The following FNIP2 variants were observed in gnomAD, a reference collection of about 807,000 sequenced individuals.
The protein encoded by FNIP2 is folliculin interacting protein 2.
FNIP2 carries 32 observed loss-of-function variants against 108.7 expected under a neutral mutation model. The observed-to-expected ratio is 0.29, with a 90% CI of 0.22 to 0.40. The LOEUF (loss-of-function observed/expected upper bound fraction) is 0.40, where lower values mean the gene tolerates loss of function less well. FNIP2 is among the 10% of genes least tolerant of loss of function. The pLI is 1.00. For missense variants in FNIP2, 1,202 were observed against 1,381.6 expected (o/e 0.87, Z 2.06); for synonymous variants, 480 against 496.7 (o/e 0.97, Z 0.45).
At chr4:158,881,608 G>A (rs1279370643) in intron 14 of FNIP2, among the ~76,000 whole-genome samples, 5 of 152,178 alleles carry the variant, frequency 3.3e-5, no homozygotes, top group East Asian at 3.9e-4. Flanking sequence ...GTGCCGCCAC[G>A]CCTGACTGGT....
intron 7 of FNIP2, among the ~76,000 whole-genome samples, chr4:158,847,039 C>T (rs1463699859): frequency 6.6e-6 from 1 of 152,168 alleles, no homozygotes; most frequent in Non-Finnish European, 1.5e-5. Flanking sequence ...CTGGTGCCCA[C>T]GGAGCACTTA....
At chr4:158,831,719 T>G (rs1778494074) in intron 3 of FNIP2, 142 bp from the exon 4 acceptor site, 1 of 633,358 alleles carries the variant, frequency 1.6e-6, no homozygotes, top group Admixed American at 2.9e-5. Flanking sequence ...CATTATAAGT[T>G]AAGATTGTAA....
rs1157484856 is a variant in FNIP2 at position 158,842,104 on chromosome 4, C to T, written c.727+6628C>T. ...CAGTTTCTTATTTCTTTATATTTCT[C>T]CTATTTCAGATGTTTGGTATTTTCC... On this transcript the variant is annotated intron_variant, in intron 7 of 16. Coordinates refer to ENST00000264433, the MANE Select transcript of FNIP2 (RefSeq NM_020840.3). 2.0e-5 allele frequency among the ~76,000 whole-genome samples: 3 copies of T among 152,174 alleles called. No individual in the cohort carries two copies. The East Asian group carries it at 5.8e-4, about 29-fold the overall frequency.
At chr4:158,873,902 G>A (rs750920138) in intron 14 of FNIP2, among the ~76,000 whole-genome samples, 2 of 152,190 alleles carry the variant, frequency 1.3e-5, no homozygotes, top group Non-Finnish European at 2.9e-5. Context: ...GAGAGCAGGC[G>A]TATGCGCCAG....
At chr4:158,783,050 T>C (rs1195186614) in intron 1 of FNIP2, among the ~76,000 whole-genome samples, 1 of 152,244 alleles carries the variant, frequency 6.6e-6, no homozygotes, top group Admixed American at 6.5e-5. Context: ...TTTAGTTTAC[T>C]CCAGCAGAGT....
intron 14 of FNIP2, among the ~76,000 whole-genome samples, chr4:158,875,172 A>G (rs1781197719): frequency 6.6e-6 from 1 of 152,056 alleles, no homozygotes; most frequent in African/African-American, 2.4e-5. Context: ...TGGCCTTGTC[A>G]ATCCCAGGGG....
intron 14 of FNIP2, chr4:158,872,395 T>C: frequency 1.0e-6 from 1 of 985,472 alleles, no homozygotes; most frequent in Non-Finnish European, 1.2e-6. Context: ...TCATTACTCT[T>C]CAAGCTTTTT....
intron 1 of FNIP2, among the ~76,000 whole-genome samples, chr4:158,781,760 G>A (rs189751608): frequency 1.3e-5 from 2 of 152,100 alleles, no homozygotes; most frequent in South Asian, 2.1e-4. Flanking sequence ...CAAGTGATCC[G>A]CCTGTCTTGG....
chr4:158,829,710 G>T (rs1392383405), intron 3 of FNIP2, among the ~76,000 whole-genome samples: 1 of 147,450 alleles, frequency 6.8e-6, no homozygotes, highest in African/African-American at 2.6e-5. Flanking sequence ...TGTGTGTGTG[G>T]GGTGTGTGTG....
At chr4:158,774,987 A>G (rs1388736720) in intron 1 of FNIP2, among the ~76,000 whole-genome samples, 2 of 152,200 alleles carry the variant, frequency 1.3e-5, no homozygotes, top group Admixed American at 6.5e-5. Flanking sequence ...TGGAGTATAT[A>G]GCTCCAAAAA....
chr4:158,830,498 A>G (rs1039849890), intron 3 of FNIP2, among the ~76,000 whole-genome samples: 1 of 151,512 alleles, frequency 6.6e-6, no homozygotes, highest in Admixed American at 6.6e-5. Flanking sequence ...TCCTGACCTC[A>G]TGATCCACCC....
intron 1 of FNIP2, among the ~76,000 whole-genome samples, chr4:158,813,874 C>T (rs1777420500): frequency 6.6e-6 from 1 of 152,120 alleles, no homozygotes; most frequent in Non-Finnish European, 1.5e-5. Flanking sequence ...AGGTCTGTGT[C>T]GAGATTCTTT....
At chr4:158,855,984 C>T (rs191015899) in intron 8 of FNIP2, among the ~76,000 whole-genome samples, 1 of 152,110 alleles carries the variant, frequency 6.6e-6, no homozygotes, top group African/African-American at 2.4e-5. Context: ...ACACTTTATT[C>T]TATAAAATAG....
chr4:158,822,104 C>T (rs1777916763), intron 1 of FNIP2, among the ~76,000 whole-genome samples: 1 of 150,444 alleles, frequency 6.6e-6, no homozygotes, highest in Non-Finnish European at 1.5e-5. Flanking sequence ...AAGGAAATGT[C>T]AATGTCAAAA....
At chr4:158,770,435 A>G (rs140346288) in intron 1 of FNIP2, among the ~76,000 whole-genome samples, 252 of 152,304 alleles carry the variant, frequency 1.7e-3, no homozygotes, top group African/African-American at 5.6e-3. Context: ...TAAACCTTTA[A>G]AAGTTTCAAG....
chr4:158,820,064 T>A (rs1777797246), intron 1 of FNIP2, among the ~76,000 whole-genome samples: 1 of 152,258 alleles, frequency 6.6e-6, no homozygotes, highest in Non-Finnish European at 1.5e-5. Flanking sequence ...GATAGTATTT[T>A]TGCCAGTTTT....
intron 14 of FNIP2, among the ~76,000 whole-genome samples, chr4:158,887,199 C>T (rs185261747): frequency 3.3e-5 from 5 of 152,146 alleles, no homozygotes; most frequent in Admixed American, 1.3e-4. Flanking sequence ...ATCTTAGGTT[C>T]GTATTTTTTA....
At chr4:158,821,898 G>T (rs1315193495) in intron 1 of FNIP2, among the ~76,000 whole-genome samples, 3 of 152,018 alleles carry the variant, frequency 2.0e-5, no homozygotes, top group Non-Finnish European at 2.9e-5. Context: ...GACCAGCCTG[G>T]GCAACATGGT....
At chr4:158,882,758 C>T (rs1187316097) in intron 14 of FNIP2, among the ~76,000 whole-genome samples, 1 of 152,092 alleles carries the variant, frequency 6.6e-6, no homozygotes, top group South Asian at 2.1e-4. Context: ...GGATTAAGGG[C>T]GGTGCAAGAT....
Sources: gnomAD v4.1 joint callset for allele counts (sites outside exome capture counted in the v4.1 genomes callset) on GRCh38, gnomAD v4.1.1 for gene constraint, MANE v1.5 for transcripts, NCBI Gene and HGNC (gene_info 2026-07-23, HGNC 2026-07-21) for gene names.